The following PROCR variants were observed in gnomAD, a reference collection of about 807,000 sequenced individuals.
The protein encoded by PROCR is endothelial protein C receptor.
Under a neutral mutation model 24.2 loss-of-function variants are expected in PROCR, and 22 were observed. The observed-to-expected ratio is 0.91, with a 90% CI of 0.65 to 1.30. PROCR has a LOEUF of 1.30. PROCR is among the 50% of genes most tolerant of loss of function. The pLI is 0.00. For missense variants in PROCR, 288 were observed against 307.7 expected (o/e 0.94, Z 0.48); for synonymous variants, 137 against 139.2 (o/e 0.98, Z 0.11).
At chr20:35,172,706 CTGG>C (rs1266179147) in intron 1 of PROCR, among the ~76,000 whole-genome samples, 1 of 152,098 alleles carries the variant, frequency 6.6e-6, no homozygotes, top group Non-Finnish European at 1.5e-5. Flanking sequence ...CTGGTCGCAG[CTGG>C]TGGAACTGGG....
intron 2 of PROCR, 43 bp downstream of exon 2, chr20:35,174,996 T>C: frequency 8.6e-5 from 4 of 46,600 alleles, no homozygotes; most frequent in Non-Finnish European, 1.3e-4. Context: ...GCGGGGCTAG[T>C]GGGGGCGGGG....
In PROCR at chr20:35,174,837, A is replaced by T; in HGVS notation, c.206A>T (p.Gln69Leu). The change falls in exon 2 of 4, where the codon CAG (glutamine) becomes CTG (leucine). Residue 69 changes from glutamine (Q) to leucine (L), a missense_variant. Transcript: ENST00000216968. ...EGPDTNTTIIQLQPLQEPESW... is the reference protein window; with the variant it reads ...EGPDTNTTIILLQPLQEPESW... ...CCAGACACCAACACCACGATCATTCAGCTGCAGCCCTTGCAGGAGCCCGAG... is the reference window on the plus strand; with the variant it reads ...CCAGACACCAACACCACGATCATTCTGCTGCAGCCCTTGCAGGAGCCCGAG... The T allele has an allele frequency of 6.2e-7, 1 of 1,614,002 alleles. No homozygotes were observed. Among genetic ancestry groups the T allele is most frequent in the African/African-American group, 1.3e-5 (1 of 74,986 alleles).
intron 1 of PROCR, among the ~76,000 whole-genome samples, chr20:35,205,797 A>AT (rs2060338661): frequency 7.5e-6 from 1 of 133,674 alleles, no homozygotes; most frequent in African/African-American, 3.0e-5. Context: ...ATGTATATAT[A>AT]CACACATATA....
intron 1 of PROCR, among the ~76,000 whole-genome samples, chr20:35,196,373 A>G (rs1470120575): frequency 6.6e-6 from 1 of 152,090 alleles, no homozygotes; most frequent in East Asian, 1.9e-4. Context: ...ACAGAATTGT[A>G]AAGCTCAGTG....
intron 1 of PROCR, among the ~76,000 whole-genome samples, chr20:35,209,897 T>C (rs2060355506): frequency 6.6e-6 from 1 of 152,196 alleles, no homozygotes; most frequent in African/African-American, 2.4e-5. Context: ...GTGGTCTTCA[T>C]AGTCTTTTGC....
At chr20:35,214,029 T>C (rs1046892093) in intron 1 of PROCR, among the ~76,000 whole-genome samples, 1 of 151,766 alleles carries the variant, frequency 6.6e-6, no homozygotes, top group African/African-American at 2.4e-5. Flanking sequence ...GAGCCGAGAC[T>C]GTGCCACTGC....
At chr20:35,185,108 T>C (rs917618226) in intron 1 of PROCR, among the ~76,000 whole-genome samples, 6 of 143,072 alleles carry the variant, frequency 4.2e-5, no homozygotes, top group Non-Finnish European at 9.1e-5. Context: ...AAAGAAGATA[T>C]ACAAATAGCC....
At chr20:35,204,421 CTTT>C in intron 1 of PROCR, among the ~76,000 whole-genome samples, 1 of 129,716 alleles carries the variant, frequency 7.7e-6, no homozygotes, top group African/African-American at 2.8e-5. Context: ...TTCCTTTTCT[CTTT>C]TCTTTTCTTT....
intron 1 of PROCR, among the ~76,000 whole-genome samples, chr20:35,192,226 C>T (rs576901489): frequency 1.4e-4 from 22 of 152,290 alleles, no homozygotes; most frequent in African/African-American, 5.1e-4. Flanking sequence ...ATATGCCTAA[C>T]AGAAACGTTT....
chr20:35,184,802 A>C (rs2086109064), intron 1 of PROCR, among the ~76,000 whole-genome samples: 1 of 152,212 alleles, frequency 6.6e-6, no homozygotes, highest in Non-Finnish European at 1.5e-5. Flanking sequence ...ACCCTTCTAG[A>C]CATTGGCTTA....
At position 35,174,898 on chromosome 20, in the gene PROCR, CCTG is replaced by C. The variant is rs771188811; in HGVS notation, c.270_272del (p.Leu91del). 1 of 1,610,244 alleles carries C rather than the reference CCTG, an allele frequency of 6.2e-7. No individual in the cohort carries two copies. Among genetic ancestry groups the C allele is most frequent in the Non-Finnish European group, 8.5e-7 (1 of 1,178,420 alleles). On this transcript the variant is annotated inframe_deletion, in exon 2 of 4. Transcript: ENST00000216968. ...GCACGCAGAGTGGCCTGCAGTCCTA[CCTG>C]CTCCAGTTCCACGGCCTCGTGCGCC...
chr20:35,182,082 G>A (rs1389306049), downstream of PROCR, among the ~76,000 whole-genome samples: 2 of 152,204 alleles, frequency 1.3e-5, no homozygotes, highest in Non-Finnish European at 2.9e-5. Flanking sequence ...CCTTGATCAT[G>A]TTGCTTTTGC....
intron 1 of PROCR, among the ~76,000 whole-genome samples, chr20:35,189,298 G>T (rs943360175): frequency 6.6e-6 from 1 of 151,068 alleles, no homozygotes; most frequent in African/African-American, 2.4e-5. Flanking sequence ...CACTCTGGAG[G>T]GGTGTCTGCC....
At chr20:35,174,674 C>A in intron 1 of PROCR, 28 bp from the exon 2 acceptor site, 1 of 1,613,434 alleles carries the variant, frequency 6.2e-7, no homozygotes, top group Non-Finnish European at 8.5e-7. Context: ...CCCACGCCGG[C>A]CCAGGCTGAA....
chr20:35,178,507 G>GTTTTGTTTTTTTGTTTTTTTT (rs1272557859), downstream of PROCR, among the ~76,000 whole-genome samples: 1 of 34,372 alleles, frequency 2.9e-5, no homozygotes, highest in African/African-American at 1.8e-4. Context: ...TCAAGTCTCA[G>GTTTTGTTTTTTTGTTTTTTTT]TTTTTTTTTT....
chr20:35,196,140 C>T (rs1290155292), intron 1 of PROCR, among the ~76,000 whole-genome samples: 1 of 129,310 alleles, frequency 7.7e-6, no homozygotes, highest in Non-Finnish European at 1.5e-5. Context: ...CAGGATTGGG[C>T]CACTGCACTC....
intron 1 of PROCR, among the ~76,000 whole-genome samples, chr20:35,206,658 G>GTATGTC (rs2060344095): frequency 6.6e-6 from 1 of 151,816 alleles, no homozygotes; most frequent in African/African-American, 2.4e-5. Context: ...CCACAGTAAG[G>GTATGTC]TATGTCTATA....
Position 35,177,145 on chromosome 20 carries a change from T to C in PROCR, c.*332T>C, listed in dbSNP as rs2086028373. 5 of 1,177,408 alleles carry C rather than the reference T, an allele frequency of 4.2e-6. No homozygotes were observed. The South Asian group carries it at 8.9e-5, about 21-fold the overall frequency. The allele number at this position is 1,177,408 out of a possible 1,614,324, so 72.9% of individuals were successfully genotyped here. A position where few individuals can be genotyped will look rare whatever the true frequency, so the allele number is the denominator to read the frequency against. On this transcript the variant is annotated 3_prime_UTR_variant, in exon 4 of 4. Coordinates refer to ENST00000216968, the MANE Select transcript of PROCR (RefSeq NM_006404.5). ...TCCTCCAAAGACAGACAGAATCACC[T>C]GAGGCGTTCAAAAGATATAACCAAA...
chr20:35,191,485 A>G (rs1376481674), intron 1 of PROCR, among the ~76,000 whole-genome samples: 1 of 152,078 alleles, frequency 6.6e-6, no homozygotes, highest in Non-Finnish European at 1.5e-5. Context: ...AATGTCAGAG[A>G]TAATTAGTAG....
Sources: gnomAD v4.1 joint callset for allele counts (sites outside exome capture counted in the v4.1 genomes callset) on GRCh38, gnomAD v4.1.1 for gene constraint, MANE v1.5 for transcripts, NCBI Gene and HGNC (gene_info 2026-07-23, HGNC 2026-07-21) for gene names.